Variants in CDK14 observed in about 807,000 individuals in gnomAD.
The protein encoded by CDK14 is cyclin-dependent kinase 14.
CDK14 carries 34 observed loss-of-function variants against 60.7 expected under a neutral mutation model. That is an observed-to-expected ratio of 0.56 (90% CI 0.43 to 0.75). CDK14 has a LOEUF of 0.75. CDK14 is among the 30% of genes least tolerant of loss of function. The probability of loss-of-function intolerance (pLI) is 0.00; values close to 1 mark genes in which losing one functional copy is unlikely to be tolerated. For synonymous variants in CDK14, 197 were observed against 203.7 expected (o/e 0.97, Z 0.28); for missense variants, 482 against 564.1 (o/e 0.85, Z 1.47).
chr7:90,733,672 T>A (rs1802964332), intron 3 of CDK14, among the ~76,000 whole-genome samples: 1 of 152,224 alleles, frequency 6.6e-6, no homozygotes. Context: ...TAAATATTCC[T>A]CCATCCCTTT....
At chr7:91,194,838 A>G (rs1802484794) in intron 14 of CDK14, among the ~76,000 whole-genome samples, 1 of 152,170 alleles carries the variant, frequency 6.6e-6, no homozygotes, top group Non-Finnish European at 1.5e-5. Flanking sequence ...GAAAGGGAGC[A>G]TTTCATTGCT....
intron 5 of CDK14, among the ~76,000 whole-genome samples, chr7:90,794,364 T>C (rs1341922787): frequency 2.0e-5 from 3 of 152,134 alleles, no homozygotes; most frequent in Non-Finnish European, 4.4e-5. Flanking sequence ...CAAAATTTAT[T>C]AGGCGGGAAT....
At chr7:90,647,374 G>A (rs1425265035) in intron 2 of CDK14, among the ~76,000 whole-genome samples, 2 of 152,076 alleles carry the variant, frequency 1.3e-5, no homozygotes, top group Admixed American at 6.5e-5. Flanking sequence ...GCCTGACCTT[G>A]CTTGGCTTTG....
At chr7:90,708,864 T>A (rs1468558488) in intron 2 of CDK14, among the ~76,000 whole-genome samples, 1 of 152,170 alleles carries the variant, frequency 6.6e-6, no homozygotes, top group African/African-American at 2.4e-5. Context: ...TAATCTAATT[T>A]ATGTCCTTTT....
chr7:91,176,345 C>A (rs1250530846), intron 14 of CDK14, among the ~76,000 whole-genome samples: 1 of 152,106 alleles, frequency 6.6e-6, no homozygotes, highest in Non-Finnish European at 1.5e-5. Context: ...TAAATGCCCA[C>A]AAGAGAAAGC....
chr7:91,009,722 T>G (rs927650131), intron 10 of CDK14, among the ~76,000 whole-genome samples: 1 of 152,188 alleles, frequency 6.6e-6, no homozygotes, highest in African/African-American at 2.4e-5. Flanking sequence ...GAGTGCTTTA[T>G]TCTGGATGAG....
intron 5 of CDK14, among the ~76,000 whole-genome samples, chr7:90,810,007 C>A (rs1018001113): frequency 1.8e-4 from 27 of 152,258 alleles, no homozygotes; most frequent in African/African-American, 6.5e-4. Context: ...AAGTCCAGGA[C>A]CAGATGGATT....
intron 8 of CDK14, among the ~76,000 whole-genome samples, chr7:90,918,987 A>T (rs1793164950): frequency 6.6e-6 from 1 of 152,190 alleles, no homozygotes. Flanking sequence ...TGTATCATTT[A>T]TTGCCAGATT....
At chr7:90,778,172 C>A (rs1805130215) in intron 4 of CDK14, among the ~76,000 whole-genome samples, 1 of 152,186 alleles carries the variant, frequency 6.6e-6, no homozygotes, top group Non-Finnish European at 1.5e-5. Context: ...TGGATGTTCC[C>A]AGACTAAGAT....
intron 10 of CDK14, among the ~76,000 whole-genome samples, chr7:91,027,957 G>A (rs1297099332): frequency 2.0e-5 from 2 of 100,322 alleles, no homozygotes; most frequent in East Asian, 3.0e-4. Flanking sequence ...ACTCCCCTCC[G>A]CTCCCTTCTC....
chr7:91,109,403 A>G (rs942991197), intron 12 of CDK14, among the ~76,000 whole-genome samples: 2 of 152,132 alleles, frequency 1.3e-5, no homozygotes, highest in Non-Finnish European at 2.9e-5. Flanking sequence ...ACCTAAATTG[A>G]TGATGAATGC....
chr7:90,709,899 C>A, intron 2 of CDK14: 1 of 1,256,882 alleles, frequency 8.0e-7, no homozygotes, highest in Non-Finnish European at 1.0e-6. Flanking sequence ...AAACACATTG[C>A]TAGAGACATG....
intron 5 of CDK14, among the ~76,000 whole-genome samples, chr7:90,802,376 A>G (rs1382918145): frequency 6.6e-6 from 1 of 152,210 alleles, no homozygotes; most frequent in Non-Finnish European, 1.5e-5. Context: ...CACTATTTGT[A>G]GCATCATTGT....
chr7:90,727,445 A>T (rs1802685143), intron 3 of CDK14, among the ~76,000 whole-genome samples: 1 of 152,204 alleles, frequency 6.6e-6, no homozygotes. Flanking sequence ...TTTACAAGTT[A>T]GAAAGGAACA....
chr7:90,807,429 C>A (rs1050641312), intron 5 of CDK14, among the ~76,000 whole-genome samples: 7 of 152,188 alleles, frequency 4.6e-5, no homozygotes, highest in East Asian at 3.8e-4. Flanking sequence ...GGAAAACTAA[C>A]AAACAGAAAG....
chr7:91,069,353 A>G (rs1447518608), intron 11 of CDK14, among the ~76,000 whole-genome samples: 2 of 152,174 alleles, frequency 1.3e-5, no homozygotes, highest in East Asian at 3.9e-4. Context: ...AGCCTGAGCA[A>G]CAGTGAGATG....
chr7:90,630,101 C>A (rs1343310246), intron 2 of CDK14, among the ~76,000 whole-genome samples: 2 of 151,500 alleles, frequency 1.3e-5, no homozygotes, highest in Non-Finnish European at 2.9e-5. Flanking sequence ...ACACACAAAA[C>A]CACAAAAAAC....
intron 2 of CDK14, among the ~76,000 whole-genome samples, chr7:90,637,711 A>G (rs1389261902): frequency 2.1e-5 from 3 of 143,554 alleles, no homozygotes; most frequent in Non-Finnish European, 4.5e-5. Context: ...TGTCTCGTTG[A>G]TCTGTCTAAT....
chr7:91,062,219 C>G (rs1468549609), intron 11 of CDK14, among the ~76,000 whole-genome samples: 3 of 152,182 alleles, frequency 2.0e-5, no homozygotes, highest in Non-Finnish European at 4.4e-5. Context: ...ATACAATGTC[C>G]TGGTGTGACG....
Sources: gnomAD v4.1 joint callset for allele counts (sites outside exome capture counted in the v4.1 genomes callset) on GRCh38, gnomAD v4.1.1 for gene constraint, MANE v1.5 for transcripts, NCBI Gene and HGNC (gene_info 2026-07-23, HGNC 2026-07-21) for gene names.